Variants in AUTS2 observed in about 807,000 individuals in gnomAD.
The protein encoded by AUTS2 is activator of transcription and developmental regulator AUTS2.
In AUTS2, 17 loss-of-function variants were observed where a neutral mutation model predicts 112.4. The observed-to-expected ratio is 0.15, with a 90% CI of 0.10 to 0.23. The LOEUF (loss-of-function observed/expected upper bound fraction) is 0.23, where lower values mean the gene tolerates loss of function less well. Ranked by LOEUF, AUTS2 falls within the 10% of genes least tolerant of loss-of-function variation. AUTS2 has a pLI of 1.00. For synonymous variants in AUTS2, 751 were observed against 702.7 expected, an observed-to-expected ratio of 1.07 and a Z score of -1.09; for missense variants, 1,510 against 1,701.6, an observed-to-expected ratio of 0.89 and a Z score of 1.98.
chr7:70,065,742 G>C (rs1478191532), intron 2 of AUTS2, among the ~76,000 whole-genome samples: 2 of 152,144 alleles, frequency 1.3e-5, no homozygotes, highest in Non-Finnish European at 2.9e-5. Flanking sequence ...GTCCCACCCT[G>C]TCACCCAGTC....
intron 5 of AUTS2, among the ~76,000 whole-genome samples, chr7:70,621,136 T>A (rs1443265263): frequency 6.6e-6 from 1 of 152,214 alleles, no homozygotes; most frequent in Non-Finnish European, 1.5e-5. Flanking sequence ...TCTTCTTTCT[T>A]CCCCTTCCCT....
At chr7:70,459,304 A>G (rs774528500) in intron 5 of AUTS2, among the ~76,000 whole-genome samples, 1 of 152,178 alleles carries the variant, frequency 6.6e-6, no homozygotes, top group African/African-American at 2.4e-5. Flanking sequence ...TTGAGGCACA[A>G]TGTAGTTCTT....
At chr7:70,198,399 C>T (rs1436829735) in intron 4 of AUTS2, among the ~76,000 whole-genome samples, 5 of 152,064 alleles carry the variant, frequency 3.3e-5, no homozygotes, top group East Asian at 3.9e-4. Context: ...CTCTGAGCTA[C>T]GGGATAACAT....
intron 2 of AUTS2, among the ~76,000 whole-genome samples, chr7:70,055,326 T>C (rs1440197892): frequency 1.3e-5 from 2 of 151,934 alleles, no homozygotes; most frequent in East Asian, 3.9e-4. Flanking sequence ...CCCAGCTACG[T>C]GGGAGGCTGA....
chr7:70,719,045 A>G (rs1297522384), intron 6 of AUTS2, among the ~76,000 whole-genome samples: 1 of 152,192 alleles, frequency 6.6e-6, no homozygotes, highest in East Asian at 1.9e-4. Context: ...TTGAGTACTT[A>G]CTATGAGATG....
chr7:69,999,581 C>T (rs1008571566), intron 2 of AUTS2, among the ~76,000 whole-genome samples: 4 of 152,136 alleles, frequency 2.6e-5, no homozygotes, highest in Admixed American at 6.5e-5. Flanking sequence ...TGTTTGAGAG[C>T]ACAGTGATGA....
At chr7:70,329,391 A>G (rs1790642901) in intron 4 of AUTS2, among the ~76,000 whole-genome samples, 1 of 152,114 alleles carries the variant, frequency 6.6e-6, no homozygotes, top group South Asian at 2.1e-4. Context: ...TCAAGTTCCT[A>G]CCAGCAATAT....
chr7:70,185,776 G>A (rs1424867683), intron 4 of AUTS2, among the ~76,000 whole-genome samples: 1 of 152,188 alleles, frequency 6.6e-6, no homozygotes, highest in African/African-American at 2.4e-5. Context: ...AGGAGTTGGT[G>A]TATATGTGAC....
At chr7:70,198,311 C>G (rs1341022275) in intron 4 of AUTS2, among the ~76,000 whole-genome samples, 1 of 150,056 alleles carries the variant, frequency 6.7e-6, no homozygotes, top group Non-Finnish European at 1.5e-5. Flanking sequence ...AACGCAGTTC[C>G]TCACCAGCAA....
At chr7:70,139,550 T>C (rs1806745596) in intron 4 of AUTS2, among the ~76,000 whole-genome samples, 1 of 152,248 alleles carries the variant, frequency 6.6e-6, no homozygotes, top group Non-Finnish European at 1.5e-5. Context: ...CCAGCCACTT[T>C]TAAATATTTC....
At chr7:69,749,647 C>T (rs1262849686) in intron 1 of AUTS2, among the ~76,000 whole-genome samples, 1 of 152,276 alleles carries the variant, frequency 6.6e-6, no homozygotes, top group African/African-American at 2.4e-5. Context: ...TTGCGCTTTG[C>T]GGCTGTTCAT....
chr7:70,044,858 G>A (rs1801430330), intron 2 of AUTS2, among the ~76,000 whole-genome samples: 1 of 151,936 alleles, frequency 6.6e-6, no homozygotes, highest in Non-Finnish European at 1.5e-5. Context: ...TATGTCAAGA[G>A]AGAAATGTTT....
chr7:69,633,704 G>A (rs1271310893), intron 1 of AUTS2, among the ~76,000 whole-genome samples: 1 of 152,150 alleles, frequency 6.6e-6, no homozygotes, highest in Non-Finnish European at 1.5e-5. Flanking sequence ...GAGTAATGAT[G>A]TTGAGCACCT....
At chr7:69,972,926 T>G (rs968968964) in intron 2 of AUTS2, among the ~76,000 whole-genome samples, 7 of 152,156 alleles carry the variant, frequency 4.6e-5, no homozygotes, top group African/African-American at 1.7e-4. Context: ...TAAGATAAAA[T>G]AGTACCTGTG....
chr7:70,215,490 T>G lies in AUTS2; in HGVS notation c.660+80919T>G, dbSNP rs11766424. Among the ~76,000 whole-genome samples the G allele has an allele frequency of 2.6e-5, 4 of 152,234 alleles. No individual in the cohort carries two copies. In the East Asian group the frequency reaches 7.7e-4, roughly 29 times the overall value. The stretch of plus-strand genomic sequence containing the variant: ...AATGTTAGGGGCTGACTCAATCAGA[T>G]TTGTTTGTATTTATATTTGGAAAAA... On this transcript the variant is annotated intron_variant, in intron 4 of 18. Coordinates refer to ENST00000342771, the MANE Select transcript of AUTS2 (RefSeq NM_015570.4).
chr7:69,813,682 T>A (rs1206302456), intron 1 of AUTS2, among the ~76,000 whole-genome samples: 2 of 152,174 alleles, frequency 1.3e-5, no homozygotes, highest in Non-Finnish European at 2.9e-5. Flanking sequence ...GCTTGTGAAA[T>A]CATGTTATAT....
Position 69,726,106 on chromosome 7 carries a change from C to A in AUTS2, c.309+126144C>A, listed in dbSNP as rs184341585. On this transcript the variant is annotated intron_variant, in intron 1 of 18. Transcript: ENST00000342771. ...AAGTGTACACATCAATGAATTTTGG[C>A]AAATATACATACCCATGTAGCACAC... 4.2e-3 allele frequency among the ~76,000 whole-genome samples: 633 copies of A among 152,088 alleles called. 6 individuals carry two copies. The highest frequency in any genetic ancestry group is 0.014 in the African/African-American group (598 of 41,466).
chr7:70,243,584 A>T (rs973913378), intron 4 of AUTS2, among the ~76,000 whole-genome samples: 1 of 152,104 alleles, frequency 6.6e-6, no homozygotes, highest in African/African-American at 2.4e-5. Flanking sequence ...ACTGTGCTCA[A>T]TTGAAAGAAA....
intron 4 of AUTS2, among the ~76,000 whole-genome samples, chr7:70,274,131 C>T (rs1787821832): frequency 6.6e-6 from 1 of 152,034 alleles, no homozygotes; most frequent in East Asian, 1.9e-4. Flanking sequence ...TCCCAAATAC[C>T]AGATTTCTTT....
Sources: allele counts gnomAD v4.1 joint callset (sites outside exome capture counted in the v4.1 genomes callset), GRCh38; gene constraint gnomAD v4.1.1; transcripts MANE v1.5; gene names NCBI Gene and HGNC (gene_info 2026-07-23, HGNC 2026-07-21).